The following NAA50 variants were observed in gnomAD, a reference collection of about 807,000 sequenced individuals.
NAA50 encodes N-alpha-acetyltransferase 50, NatE catalytic subunit.
In NAA50, 7 loss-of-function variants were observed where a neutral mutation model predicts 20.7. That is an observed-to-expected ratio of 0.34 (90% CI 0.19 to 0.63). The LOEUF is 0.63. Among genes scored for constraint, NAA50 ranks in the 30% least tolerant of loss-of-function variants. The pLI, the probability that NAA50 is intolerant of heterozygous loss-of-function variation, is 0.75. For synonymous variants in NAA50, 54 were observed against 70.6 expected (o/e 0.77, Z 1.18); for missense variants, 111 against 199.1 (o/e 0.56, Z 2.66).
At chr3:113,725,103 T>G (rs1708185016) in intron 1 of NAA50, among the ~76,000 whole-genome samples, 1 of 152,186 alleles carries the variant, frequency 6.6e-6, no homozygotes, top group African/African-American at 2.4e-5. Flanking sequence ...TGGAAAAGAT[T>G]AAAGCGAAAA....
intron 1 of NAA50, among the ~76,000 whole-genome samples, chr3:113,727,633 T>A (rs2107987009): frequency 6.9e-6 from 1 of 144,176 alleles, no homozygotes; most frequent in East Asian, 2.0e-4. Context: ...ATACATGCCT[T>A]TTTTTTTTTT....
chr3:113,741,114 T>C, intron 1 of NAA50: 3 of 549,830 alleles, frequency 5.5e-6, no homozygotes, highest in Non-Finnish European at 1.1e-5. Context: ...TGTGGATGAC[T>C]ATACTTGAAT....
rs1311926058 is a variant in NAA50 at position 113,719,785 on chromosome 3, T to C, written c.*1975A>G. The C allele has an allele frequency of 6.6e-6, 1 of 152,606 alleles. No homozygotes were observed. The highest frequency in any genetic ancestry group is 1.5e-5 in the Non-Finnish European group (1 of 68,000). The allele number at this position is 152,606 out of a possible 1,614,324, so 9.5% of individuals were successfully genotyped here. On this transcript the variant is annotated 3_prime_UTR_variant, in exon 5 of 5. Coordinates refer to ENST00000240922, the MANE Select transcript of NAA50 (RefSeq NM_025146.4). ...TTTAGGGATACATTCATAGGACTGATTAGATAGTCCAGGTGAAATGGTTAT... is the reference window on the plus strand; with the variant it reads ...TTTAGGGATACATTCATAGGACTGACTAGATAGTCCAGGTGAAATGGTTAT...
At chr3:113,727,356 T>C (rs919704452) in intron 1 of NAA50, among the ~76,000 whole-genome samples, 2 of 152,196 alleles carry the variant, frequency 1.3e-5, no homozygotes, top group South Asian at 2.1e-4. Context: ...ATGAAAGAAC[T>C]TGAGGTTTTT....
chr3:113,727,005 T>C (rs1211677520), intron 1 of NAA50, among the ~76,000 whole-genome samples: 1 of 152,198 alleles, frequency 6.6e-6, no homozygotes, highest in Non-Finnish European at 1.5e-5. Context: ...TTGCCCAGGC[T>C]GGTCTACAGT....
Position 113,723,413 on chromosome 3 carries a change from ATTT to A in NAA50, c.265+6_265+8del, listed in dbSNP as rs755482869. ...TCTCTGAAGAAGTAAAAAAACCACAATTTTTTACCTATTCCTAGCCTTCGGTAA... is the reference window on the plus strand; with the variant it reads ...TCTCTGAAGAAGTAAAAAAACCACAATTTACCTATTCCTAGCCTTCGGTAA... On this transcript the variant is annotated splice_donor_region_variant and intron_variant, in intron 3 of 4. Coordinates refer to ENST00000240922, the MANE Select transcript of NAA50 (RefSeq NM_025146.4). 2 of 1,596,994 alleles carry A rather than the reference ATTT, an allele frequency of 1.3e-6. No homozygotes were observed. The highest frequency in any genetic ancestry group is 1.7e-6 in the Non-Finnish European group (2 of 1,173,228).
chr3:113,737,020 C>T (rs1333483801), intron 1 of NAA50, among the ~76,000 whole-genome samples: 1 of 152,046 alleles, frequency 6.6e-6, no homozygotes, highest in Non-Finnish European at 1.5e-5. Flanking sequence ...GAAACTAAAC[C>T]CCCAAGAGAC....
At chr3:113,736,571 C>A (rs530218143) in intron 1 of NAA50, among the ~76,000 whole-genome samples, 16 of 152,126 alleles carry the variant, frequency 1.1e-4, no homozygotes, top group Non-Finnish European at 1.9e-4. Flanking sequence ...ATATTATGGA[C>A]GCAAATGTTT....
intron 1 of NAA50, among the ~76,000 whole-genome samples, chr3:113,724,964 G>A (rs1432363407): frequency 6.6e-6 from 1 of 152,132 alleles, no homozygotes; most frequent in Non-Finnish European, 1.5e-5. Flanking sequence ...CTGCGCAACT[G>A]TGAGTCAATT....
intron 1 of NAA50, among the ~76,000 whole-genome samples, chr3:113,736,604 A>G (rs1708346044): frequency 6.6e-6 from 1 of 152,198 alleles, no homozygotes. Flanking sequence ...CCCATTGCCA[A>G]TTATGCTCAT....
At position 113,719,353 on chromosome 3, in the gene NAA50, T is replaced by A. The variant is rs940935587; in HGVS notation, c.*2407A>T. ...AACCTATTTGCCCCACAGTAAAAACTATCTGTCCTGAAAAATATGATGGAT... is the reference window on the plus strand; with the variant it reads ...AACCTATTTGCCCCACAGTAAAAACAATCTGTCCTGAAAAATATGATGGAT... On this transcript the variant is annotated 3_prime_UTR_variant, in exon 5 of 5. Transcript: ENST00000240922. The A allele has an allele frequency of 6.6e-6, 1 of 152,420 alleles. No homozygotes were observed. Among genetic ancestry groups the A allele is most frequent in the African/African-American group, 2.4e-5 (1 of 41,254 alleles). The allele number at this position is 152,420 out of a possible 1,614,324, so 9.4% of individuals were successfully genotyped here.
chr3:113,735,642 A>G (rs1481707137), intron 1 of NAA50, among the ~76,000 whole-genome samples: 2 of 152,220 alleles, frequency 1.3e-5, no homozygotes, highest in Non-Finnish European at 2.9e-5. Context: ...CCAGCCTAAG[A>G]GTTAAATCAG....
At chr3:113,723,299 A>G (rs1577067091) in intron 3 of NAA50, 123 bp downstream of exon 3, 1 of 951,590 alleles carries the variant, frequency 1.1e-6, no homozygotes, top group Non-Finnish European at 1.5e-6. Context: ...CATATTTTAC[A>G]TAATTCAGTA....
intron 1 of NAA50, among the ~76,000 whole-genome samples, chr3:113,727,098 T>C (rs1189930745): frequency 1.3e-5 from 2 of 152,224 alleles, no homozygotes; most frequent in Admixed American, 6.5e-5. Flanking sequence ...GGCCAAAATA[T>C]AGGATCCTTT....
rs58431115 is a variant in NAA50 at position 113,733,853 on chromosome 3, C to CAAAAAAAAAAA, written c.9-9769_9-9759dup. On this transcript the variant is annotated intron_variant, in intron 1 of 4. Coordinates refer to ENST00000240922, the MANE Select transcript of NAA50 (RefSeq NM_025146.4). ...GGGTGACAGAGCAAGACTCTGTCTC[C>CAAAAAAAAAAA]AAAAAAAAAAAAAAAAAAAAAAAGA... Among the ~76,000 whole-genome samples the CAAAAAAAAAAA allele has an allele frequency of 3.9e-4, 27 of 68,488 alleles. 1 individual carries two copies. Among genetic ancestry groups the CAAAAAAAAAAA allele is most frequent in the South Asian group, 1.3e-3 (2 of 1,522 alleles). The allele number at this position is 68,488 out of a possible 152,430, so 44.9% of individuals were successfully genotyped here.
intron 1 of NAA50, among the ~76,000 whole-genome samples, chr3:113,732,671 G>C (rs1708285764): frequency 6.6e-6 from 1 of 152,128 alleles, no homozygotes; most frequent in East Asian, 1.9e-4. Flanking sequence ...TTCAGGACCT[G>C]CTCTAATTCA....
chr3:113,725,877 G>A (rs1708192726), intron 1 of NAA50, among the ~76,000 whole-genome samples: 1 of 152,214 alleles, frequency 6.6e-6, no homozygotes, highest in South Asian at 2.1e-4. Flanking sequence ...TCTCTAAGAT[G>A]TATTACTCTA....
intron 1 of NAA50, among the ~76,000 whole-genome samples, chr3:113,739,230 G>T (rs1045330187): frequency 6.6e-6 from 1 of 152,108 alleles, no homozygotes; most frequent in Non-Finnish European, 1.5e-5. Context: ...TGAACGCATC[G>T]CAAAGAAAAT....
rs1577065473 is a variant in NAA50 at position 113,718,414 on chromosome 3, G to T, written c.*3346C>A. 1 of 152,106 alleles carries T rather than the reference G, an allele frequency of 6.6e-6. No homozygotes were observed. Among genetic ancestry groups the T allele is most frequent in the East Asian group, 1.9e-4 (1 of 5,198 alleles). 9.4% of individuals were successfully genotyped at this position (152,106 alleles called of 1,614,324 possible). ...CTGTGGAAGGTAATACTTGTTTGTT[G>T]TTTTAAACTACAGTAATAACTGAGA... is the stretch of plus-strand genomic sequence containing the variant. On this transcript the variant is annotated 3_prime_UTR_variant, in exon 5 of 5. Transcript: ENST00000240922.
Sources: allele counts gnomAD v4.1 joint callset (sites outside exome capture counted in the v4.1 genomes callset), GRCh38; gene constraint gnomAD v4.1.1; transcripts MANE v1.5; gene names NCBI Gene and HGNC (gene_info 2026-07-23, HGNC 2026-07-21).